Variants in SYT14 observed in about 807,000 individuals in gnomAD.
SYT14 encodes synaptotagmin 14, also known as synaptotagmin-14.
In SYT14, 32 loss-of-function variants were observed where a neutral mutation model predicts 74.2. The ratio of observed to expected loss-of-function variants is 0.43; its 90% CI spans 0.33 to 0.58. The LOEUF (loss-of-function observed/expected upper bound fraction) is 0.58, where lower values mean the gene tolerates loss of function less well. SYT14 is among the 20% of genes least tolerant of loss of function. The pLI, the probability that SYT14 is intolerant of heterozygous loss-of-function variation, is 0.05. For missense variants in SYT14, 791 were observed against 981.8 expected, an observed-to-expected ratio of 0.81 and a Z score of 2.60; for synonymous variants, 298 against 337.7, an observed-to-expected ratio of 0.88 and a Z score of 1.29.
At chr1:210,148,724 G>A (rs1048951164) in intron 7 of SYT14, among the ~76,000 whole-genome samples, 1 of 152,022 alleles carries the variant, frequency 6.6e-6, no homozygotes, top group Non-Finnish European at 1.5e-5. Flanking sequence ...AAGAAAGAAA[G>A]AGGAAAAAAA....
At chr1:210,138,123 C>T (rs1056273263) in intron 7 of SYT14, among the ~76,000 whole-genome samples, 2 of 152,166 alleles carry the variant, frequency 1.3e-5, no homozygotes, top group African/African-American at 2.4e-5. Flanking sequence ...TAAAGACATA[C>T]TGAGGCTGGG....
intron 5 of SYT14, among the ~76,000 whole-genome samples, chr1:210,069,229 C>A (rs1041072187): frequency 3.3e-5 from 5 of 151,896 alleles, no homozygotes; most frequent in African/African-American, 9.6e-5. Flanking sequence ...TCTATTGTAT[C>A]CAACAAAAGA....
intron 2 of SYT14, among the ~76,000 whole-genome samples, chr1:209,961,626 T>A (rs2079076752): frequency 6.6e-6 from 1 of 152,144 alleles, no homozygotes; most frequent in Admixed American, 6.6e-5. Context: ...TATGAAACCC[T>A]TTGTAGTCAG....
chr1:210,056,551 C>T (rs1480127671), intron 5 of SYT14, among the ~76,000 whole-genome samples: 1 of 151,274 alleles, frequency 6.6e-6, no homozygotes, highest in Non-Finnish European at 1.5e-5. Flanking sequence ...CACAGTGGCT[C>T]ATGCCTGTAA....
intron 7 of SYT14, among the ~76,000 whole-genome samples, chr1:210,116,382 A>G (rs1364836344): frequency 6.6e-6 from 1 of 152,176 alleles, no homozygotes; most frequent in East Asian, 1.9e-4. Context: ...CTCTGTTTCC[A>G]CGCTGGAGTG....
chr1:210,028,717 A>G (rs2080465744), intron 5 of SYT14, among the ~76,000 whole-genome samples: 1 of 152,202 alleles, frequency 6.6e-6, no homozygotes, highest in Non-Finnish European at 1.5e-5. Context: ...TGTTGTGAAT[A>G]ATGCTGCTAT....
intron 7 of SYT14, among the ~76,000 whole-genome samples, chr1:210,140,251 G>T (rs1474891349): frequency 6.6e-6 from 1 of 152,014 alleles, no homozygotes; most frequent in African/African-American, 2.4e-5. Flanking sequence ...GACCATTCGT[G>T]TATCTTCTTT....
chr1:210,081,328 G>T (rs942063778), intron 5 of SYT14, among the ~76,000 whole-genome samples: 1 of 152,166 alleles, frequency 6.6e-6, no homozygotes, highest in East Asian at 1.9e-4. Context: ...CTGCTTCTGG[G>T]TATAGTTAAG....
chr1:210,022,098 C>A (rs938416731), intron 5 of SYT14, among the ~76,000 whole-genome samples: 15 of 152,208 alleles, frequency 9.9e-5, no homozygotes, highest in Non-Finnish European at 2.1e-4. Context: ...TCCTAGATAT[C>A]ATTTTTATCA....
intron 2 of SYT14, among the ~76,000 whole-genome samples, chr1:210,010,145 A>G (rs114689131): frequency 2.3e-3 from 349 of 152,308 alleles, no homozygotes; most frequent in African/African-American, 7.8e-3. Context: ...TTTAACCAAT[A>G]TAGTTCTACA....
intron 5 of SYT14, among the ~76,000 whole-genome samples, chr1:210,038,355 G>A (rs1211254844): frequency 6.6e-6 from 1 of 151,962 alleles, no homozygotes; most frequent in Non-Finnish European, 1.5e-5. Context: ...GTTGTGTCAT[G>A]TTTTTTACAA....
At chr1:210,044,511 G>GT (rs1037220185) in intron 5 of SYT14, among the ~76,000 whole-genome samples, 1 of 152,168 alleles carries the variant, frequency 6.6e-6, no homozygotes, top group African/African-American at 2.4e-5. Context: ...TAGGAATCTT[G>GT]TTTCAGCATC....
chr1:210,081,589 C>A (rs1359633706), intron 5 of SYT14, among the ~76,000 whole-genome samples: 2 of 152,068 alleles, frequency 1.3e-5, no homozygotes, highest in African/African-American at 4.8e-5. Context: ...AGTAGACTTG[C>A]TTGATGTAGG....
exon 10 of SYT14, chr1:210,162,539 G>A (rs2083394611): frequency 3.0e-6 from 1 of 336,140 alleles, no homozygotes; most frequent in Admixed American, 4.5e-5. Flanking sequence ...ATTAAAAATA[G>A]TTTCTTTTTT....
chr1:209,985,973 C>A (rs1011443092), intron 2 of SYT14, among the ~76,000 whole-genome samples: 2 of 152,180 alleles, frequency 1.3e-5, no homozygotes, highest in African/African-American at 4.8e-5. Context: ...CCCACAAAAC[C>A]ATTCAGTTCT....
At chr1:210,013,154 T>C (rs1426019367) in intron 2 of SYT14, among the ~76,000 whole-genome samples, 5 of 151,672 alleles carry the variant, frequency 3.3e-5, no homozygotes, top group African/African-American at 4.8e-5. Flanking sequence ...CACTGCAGCC[T>C]CTGTCTCCCA....
chr1:209,953,169 C>T (rs1352077689), intron 2 of SYT14: 1 of 1,288,592 alleles, frequency 7.8e-7, no homozygotes, highest in East Asian at 5.5e-5. Flanking sequence ...ATCCAAAGAC[C>T]ACAACATCCT....
At chr1:209,953,091 C>T (rs772067951) in intron 2 of SYT14, 1 of 1,317,554 alleles carries the variant, frequency 7.6e-7, no homozygotes, top group South Asian at 1.2e-5. Flanking sequence ...CTCCCATTGA[C>T]TTCTGTTCTA....
intron 1 of SYT14, among the ~76,000 whole-genome samples, chr1:209,940,872 A>C (rs1002622270): frequency 2.0e-5 from 3 of 152,232 alleles, no homozygotes; most frequent in African/African-American, 7.2e-5. Flanking sequence ...AATAGCATAC[A>C]TCAAAACTGT....
Sources: allele counts gnomAD v4.1 joint callset (sites outside exome capture counted in the v4.1 genomes callset), GRCh38; gene constraint gnomAD v4.1.1; transcripts MANE v1.5; gene names NCBI Gene and HGNC (gene_info 2026-07-23, HGNC 2026-07-21).